USP3: variants seen among roughly 807,000 people sequenced by gnomAD.
USP3 encodes ubiquitin carboxyl-terminal hydrolase 3.
USP3 carries 20 observed loss-of-function variants against 72.3 expected under a neutral mutation model. The ratio of observed to expected loss-of-function variants is 0.28; its 90% CI spans 0.19 to 0.40. The LOEUF is 0.40. USP3 is among the 10% of genes least tolerant of loss of function. The pLI, the probability that USP3 is intolerant of heterozygous loss-of-function variation, is 1.00. For missense variants in USP3, 479 were observed against 633.9 expected, an observed-to-expected ratio of 0.76 and a Z score of 2.62; for synonymous variants, 222 against 225.3, an observed-to-expected ratio of 0.99 and a Z score of 0.13.
chr15:63,585,800 ATT>A (rs58350832), intron 11 of USP3, among the ~76,000 whole-genome samples: 1 of 135,706 alleles, frequency 7.4e-6, no homozygotes, highest in African/African-American at 2.8e-5. Flanking sequence ...TGTGTCTAGA[ATT>A]TTTTTTTTTT....
Position 63,589,028 on chromosome 15 carries a change from G to C in USP3, c.1397+17G>C. ...TGGTTCCGGGTGAGTACAACAGCCA[G>C]CTTCTGGTGGGTGGGAATACCTGGT... On this transcript the variant is annotated intron_variant, in intron 14 of 14. Transcript: ENST00000380324. The C allele has an allele frequency of 6.2e-6, 10 of 1,612,724 alleles. No homozygotes were observed. The highest frequency in any genetic ancestry group is 7.6e-6 in the Non-Finnish European group (9 of 1,180,004).
At chr15:63,512,778 T>G (rs1595702640) in intron 1 of USP3, among the ~76,000 whole-genome samples, 1 of 152,324 alleles carries the variant, frequency 6.6e-6, no homozygotes, top group East Asian at 1.9e-4. Flanking sequence ...GTGTATCTTT[T>G]CAGTGTGTGC....
At chr15:63,543,711 A>G (rs973394226) in intron 3 of USP3, among the ~76,000 whole-genome samples, 3 of 152,238 alleles carry the variant, frequency 2.0e-5, no homozygotes, top group Non-Finnish European at 4.4e-5. Context: ...TAAACACAAG[A>G]AAAGGGCAAA....
chr15:63,506,909 G>A (rs2065720905), intron 1 of USP3, among the ~76,000 whole-genome samples: 1 of 152,136 alleles, frequency 6.6e-6, no homozygotes, highest in African/African-American at 2.4e-5. Flanking sequence ...TTTTATGTAG[G>A]CCTCCCGTCT....
At chr15:63,564,874 G>A (rs909051746) in intron 8 of USP3, among the ~76,000 whole-genome samples, 4 of 152,200 alleles carry the variant, frequency 2.6e-5, no homozygotes, top group African/African-American at 7.2e-5. Flanking sequence ...TCTAGATCTT[G>A]AGATTATATC....
chr15:63,507,369 G>A (rs138939476), intron 1 of USP3, among the ~76,000 whole-genome samples: 1 of 152,152 alleles, frequency 6.6e-6, no homozygotes, highest in Non-Finnish European at 1.5e-5. Context: ...TTTTCTTTGA[G>A]TATCAGTTTC....
At chr15:63,564,330 TAA>T (rs1373778834) in intron 8 of USP3, among the ~76,000 whole-genome samples, 3 of 152,178 alleles carry the variant, frequency 2.0e-5, no homozygotes, top group African/African-American at 7.2e-5. Flanking sequence ...GCGACTTGTT[TAA>T]GTTTATACAT....
intron 3 of USP3, among the ~76,000 whole-genome samples, chr15:63,542,356 A>G (rs2066257131): frequency 6.6e-6 from 1 of 152,042 alleles, no homozygotes; most frequent in Non-Finnish European, 1.5e-5. Flanking sequence ...TGCAGCCTCA[A>G]ACTATTAAAA....
chr15:63,559,784 G>A, intron 6 of USP3, 73 bp from the exon 7 acceptor site: 1 of 1,314,934 alleles, frequency 7.6e-7, no homozygotes, highest in Non-Finnish European at 1.0e-6. Flanking sequence ...AAATGTATAT[G>A]TAGGCTTCAT....
At chr15:63,524,396 G>A (rs2065953701) in intron 1 of USP3, among the ~76,000 whole-genome samples, 1 of 152,176 alleles carries the variant, frequency 6.6e-6, no homozygotes, top group African/African-American at 2.4e-5. Flanking sequence ...CACTGATACT[G>A]CTCCCTCTGT....
chr15:63,537,147 G>A lies in USP3; in HGVS notation c.275G>A (p.Ser92Asn). The change falls in exon 3 of 15, where the codon AGT becomes AAT. Residue 92 changes from serine (S) to asparagine (N), a missense_variant. Physicochemically the swap from Ser to Asn is conservative, Grantham distance 46 (BLOSUM62 1). Transcript: ENST00000380324. ...HTVCMDCSSY[S>N]TYCYRCDDFV... ...GTATGTATGGATTGCAGTAGCTACAGTACATACTGGTAAGTTAACATTTTC... is the reference window on the plus strand; with the variant it reads ...GTATGTATGGATTGCAGTAGCTACAATACATACTGGTAAGTTAACATTTTC... 1 of 1,610,738 alleles carries A rather than the reference G, an allele frequency of 6.2e-7. No individual in the cohort carries two copies. The highest frequency in any genetic ancestry group is 8.5e-7 in the Non-Finnish European group (1 of 1,179,012).
intron 1 of USP3, among the ~76,000 whole-genome samples, chr15:63,527,427 A>G (rs1471984117): frequency 6.6e-6 from 1 of 152,208 alleles, no homozygotes; most frequent in Non-Finnish European, 1.5e-5. Context: ...TGCACTATAA[A>G]TGGCTTACCT....
intron 1 of USP3, among the ~76,000 whole-genome samples, chr15:63,506,957 TTATTG>T (rs1220273483): frequency 6.6e-6 from 1 of 152,200 alleles, no homozygotes; most frequent in Non-Finnish European, 1.5e-5. Context: ...TAATCTAGCG[TTATTG>T]TATTAAGCTT....
intron 8 of USP3, 145 bp downstream of exon 8, chr15:63,563,153 T>A (rs1417137619): frequency 4.0e-6 from 2 of 493,838 alleles, no homozygotes; most frequent in Non-Finnish European, 6.8e-6. Context: ...GAAGAAGAGC[T>A]GAAATTGAAT....
At chr15:63,560,252 C>T (rs1350463822) in intron 7 of USP3, among the ~76,000 whole-genome samples, 2 of 151,866 alleles carry the variant, frequency 1.3e-5, no homozygotes, top group Non-Finnish European at 2.9e-5. Context: ...CCCATCTCTA[C>T]TAAATATACA....
intron 3 of USP3, among the ~76,000 whole-genome samples, chr15:63,541,293 CAATTTTAA>C (rs1567104543): frequency 6.6e-6 from 1 of 151,942 alleles, no homozygotes; most frequent in Non-Finnish European, 1.5e-5. Flanking sequence ...TAATAAATGG[CAATTTTAA>C]TTAAAATGAA....
chr15:63,563,331 A>G (rs2066637133), intron 8 of USP3, among the ~76,000 whole-genome samples: 1 of 152,260 alleles, frequency 6.6e-6, no homozygotes, highest in Admixed American at 6.5e-5. Context: ...ATGTAGAATA[A>G]TTACCATCAC....
chr15:63,561,897 T>C (rs1450340909), intron 7 of USP3, among the ~76,000 whole-genome samples: 3 of 152,226 alleles, frequency 2.0e-5, no homozygotes, highest in Non-Finnish European at 4.4e-5. Flanking sequence ...TTGACAGCTA[T>C]GGAAGTTGAA....
intron 1 of USP3, among the ~76,000 whole-genome samples, chr15:63,513,729 T>C (rs1279455742): frequency 1.3e-5 from 2 of 152,234 alleles, no homozygotes; most frequent in Non-Finnish European, 2.9e-5. Context: ...TTTTGAACAT[T>C]TGTTGCACAA....
Sources: gnomAD v4.1 joint callset for allele counts (sites outside exome capture counted in the v4.1 genomes callset) on GRCh38, gnomAD v4.1.1 for gene constraint, MANE v1.5 for transcripts, NCBI Gene and HGNC (gene_info 2026-07-23, HGNC 2026-07-21) for gene names.